The following DTHD1 variants were observed in gnomAD, a reference collection of about 807,000 sequenced individuals.
The protein encoded by DTHD1 is death domain containing 1.
DTHD1 carries 59 observed loss-of-function variants against 74.8 expected under a neutral mutation model. The ratio of observed to expected loss-of-function variants is 0.79; its 90% CI spans 0.64 to 0.98. The LOEUF (loss-of-function observed/expected upper bound fraction) is 0.98, where lower values mean the gene tolerates loss of function less well. Ranked by LOEUF, DTHD1 falls within the 50% of genes least tolerant of loss-of-function variation. The pLI, the probability that DTHD1 is intolerant of heterozygous loss-of-function variation, is 0.00. For synonymous variants in DTHD1, 365 were observed against 371.1 expected (o/e 0.98, Z 0.19); for missense variants, 1,051 against 1,065.4 (o/e 0.99, Z 0.19).
Position 36,313,592 on chromosome 4 carries a change from C to T in DTHD1, c.2096-2650C>T, listed in dbSNP as rs898599904. The stretch of plus-strand genomic sequence containing the variant: ...TTCTGTTTACAACATGAAGATTATG[C>T]TATTTACTGCTAGTAAATCTTCAAT... On this transcript the variant is annotated intron_variant, in intron 7 of 9. Coordinates refer to ENST00000639862, the MANE Select transcript of DTHD1 (RefSeq NM_001170700.3). Among the ~76,000 whole-genome samples, 3 of 152,214 alleles carry T rather than the reference C, an allele frequency of 2.0e-5. No individual in the cohort carries two copies. The South Asian group carries it at 6.2e-4, about 32-fold the overall frequency.
At chr4:36,317,937 G>C (rs979053320) in intron 8 of DTHD1, among the ~76,000 whole-genome samples, 2 of 152,204 alleles carry the variant, frequency 1.3e-5, no homozygotes, top group African/African-American at 4.8e-5. Flanking sequence ...AGTTGGGGGA[G>C]AGAATATAAT....
At position 36,345,293 on chromosome 4, in the gene DTHD1, T is replaced by C. The variant is rs1027982248; in HGVS notation, c.*1469T>C. The stretch of plus-strand genomic sequence containing the variant: ...ATCGCTATTAATGTCTAGTATAAGC[T>C]TTGAGTTTTTGGAAAGCCTAACGCC... On this transcript the variant is annotated 3_prime_UTR_variant, in exon 10 of 10. Coordinates refer to ENST00000639862, the MANE Select transcript of DTHD1 (RefSeq NM_001170700.3). 1.3e-5 allele frequency: 2 copies of C among 152,204 alleles called. No individual in the cohort carries two copies. The highest frequency in any genetic ancestry group is 2.9e-5 in the Non-Finnish European group (2 of 68,034). 9.4% of individuals were successfully genotyped at this position (152,204 alleles called of 1,614,324 possible).
intron 8 of DTHD1, among the ~76,000 whole-genome samples, chr4:36,323,375 T>A (rs1022605365): frequency 1.4e-4 from 22 of 152,286 alleles, no homozygotes; most frequent in African/African-American, 5.3e-4. Context: ...CTGCTAGGGA[T>A]AATGTTGTTC....
intron 7 of DTHD1, among the ~76,000 whole-genome samples, chr4:36,312,540 G>T (rs2109510652): frequency 6.6e-6 from 1 of 151,924 alleles, no homozygotes; most frequent in East Asian, 1.9e-4. Flanking sequence ...GGTGTAGCAG[G>T]CTTGCAGTTT....
At chr4:36,335,837 G>T (rs1255404774) in intron 8 of DTHD1, among the ~76,000 whole-genome samples, 1 of 152,210 alleles carries the variant, frequency 6.6e-6, no homozygotes, top group Non-Finnish European at 1.5e-5. Context: ...TTAGCTTTAA[G>T]AATTCAATAC....
intron 8 of DTHD1, among the ~76,000 whole-genome samples, chr4:36,321,157 G>C (rs1758016609): frequency 6.6e-6 from 1 of 152,182 alleles, no homozygotes; most frequent in African/African-American, 2.4e-5. Context: ...TGGTGTCCTG[G>C]TATGTAGGGT....
At chr4:36,308,989 T>C (rs1429380481) in intron 7 of DTHD1, among the ~76,000 whole-genome samples, 3 of 134,878 alleles carry the variant, frequency 2.2e-5, no homozygotes, top group Non-Finnish European at 4.7e-5. Flanking sequence ...GTCAGTGGAC[T>C]CCCAAAAATG....
chr4:36,323,561 T>C (rs926262732), intron 8 of DTHD1, among the ~76,000 whole-genome samples: 6 of 94,024 alleles, frequency 6.4e-5, no homozygotes, highest in Non-Finnish European at 1.1e-4. Flanking sequence ...ATGGAACTTA[T>C]TATGTTATTG....
chr4:36,292,577 A>T (rs1035485667), intron 3 of DTHD1, among the ~76,000 whole-genome samples: 5 of 152,174 alleles, frequency 3.3e-5, no homozygotes, highest in Admixed American at 2.6e-4. Flanking sequence ...CACCTCTCAC[A>T]ATTTTCCCTC....
At chr4:36,322,070 C>A (rs376616771) in intron 8 of DTHD1, among the ~76,000 whole-genome samples, 2 of 152,312 alleles carry the variant, frequency 1.3e-5, no homozygotes, top group East Asian at 3.9e-4. Flanking sequence ...ACATTGCAAT[C>A]TACTCTTACC....
At chr4:36,296,906 T>C (rs1234591428) in intron 5 of DTHD1, among the ~76,000 whole-genome samples, 1 of 152,032 alleles carries the variant, frequency 6.6e-6, no homozygotes, top group Non-Finnish European at 1.5e-5. Flanking sequence ...AAAACCGAAC[T>C]GCTTATAGCC....
intron 3 of DTHD1, among the ~76,000 whole-genome samples, chr4:36,291,777 G>A (rs887335126): frequency 3.3e-5 from 5 of 152,150 alleles, no homozygotes; most frequent in South Asian, 2.1e-4. Flanking sequence ...GCGGTGAGCC[G>A]AGATCGCACC....
chr4:36,322,820 A>G (rs74804455), intron 8 of DTHD1, among the ~76,000 whole-genome samples: 7,142 of 152,296 alleles, frequency 0.047, 224 homozygotes, highest in South Asian at 0.13. Context: ...GTTCAAGTAA[A>G]TTCAGTTCAC....
chr4:36,293,312 G>GT (rs1464999064), intron 3 of DTHD1, among the ~76,000 whole-genome samples: 2 of 152,068 alleles, frequency 1.3e-5, no homozygotes, highest in African/African-American at 2.4e-5. Flanking sequence ...GTTTATTTCT[G>GT]TTTTTTATTG....
intron 8 of DTHD1, among the ~76,000 whole-genome samples, chr4:36,327,897 T>C (rs1218211099): frequency 6.6e-6 from 1 of 152,210 alleles, no homozygotes; most frequent in African/African-American, 2.4e-5. Flanking sequence ...TTATTTGAAT[T>C]CATCCATCTG....
chr4:36,292,865 T>C (rs1437487836), intron 3 of DTHD1, among the ~76,000 whole-genome samples: 1 of 152,224 alleles, frequency 6.6e-6, no homozygotes, highest in Non-Finnish European at 1.5e-5. Flanking sequence ...CATTTTGTTT[T>C]CATTTATGTA....
At chr4:36,324,489 C>T (rs1200154336) in intron 8 of DTHD1, among the ~76,000 whole-genome samples, 5 of 152,146 alleles carry the variant, frequency 3.3e-5, no homozygotes, top group Admixed American at 2.0e-4. Flanking sequence ...AAAACTGTAA[C>T]ATTTAATAAG....
chr4:36,317,882 G>A (rs1044804411), intron 8 of DTHD1, among the ~76,000 whole-genome samples: 4 of 152,204 alleles, frequency 2.6e-5, no homozygotes, highest in Admixed American at 1.3e-4. Flanking sequence ...TCTGAGCTTT[G>A]TAAGTTGGTG....
rs899302567 is a variant in DTHD1, at chr4:36,316,416, A to G, written c.2270A>G (p.Asn757Ser). 1 of 1,552,056 alleles carries G rather than the reference A, an allele frequency of 6.4e-7. No homozygotes were observed. The highest frequency in any genetic ancestry group is 2.4e-5 in the East Asian group (1 of 40,910). ...VPKGKIVPNL[N>S]QSLVINENHS... ...AAAGGAAAGATAGTCCCCAACTTGA[A>G]TCAATCTCTCGTAATTAATGAAAAC... Residue 757 changes from asparagine (N) to serine (S), a missense_variant, in exon 8 of 10, where the codon AAT (asparagine) becomes AGT (serine). Transcript: ENST00000639862.
Sources: allele counts gnomAD v4.1 joint callset (sites outside exome capture counted in the v4.1 genomes callset), GRCh38; gene constraint gnomAD v4.1.1; transcripts MANE v1.5; gene names NCBI Gene and HGNC (gene_info 2026-07-23, HGNC 2026-07-21).